The following ZNF451 variants were observed in gnomAD, a reference collection of about 807,000 sequenced individuals.
The protein encoded by ZNF451 is zinc finger protein 451, also known as E3 SUMO-protein ligase ZNF451.
In ZNF451, 80 loss-of-function variants were observed where a neutral mutation model predicts 107.1. That is an observed-to-expected ratio of 0.75 (90% CI 0.62 to 0.90). ZNF451 has a LOEUF of 0.90. ZNF451 is among the 40% of genes least tolerant of loss of function. The probability of loss-of-function intolerance (pLI) is 0.00; values close to 1 mark genes in which losing one functional copy is unlikely to be tolerated. For synonymous variants in ZNF451, 362 were observed against 406.5 expected (o/e 0.89, Z 1.32); for missense variants, 1,107 against 1,236.2 (o/e 0.90, Z 1.57).
intron 7 of ZNF451, among the ~76,000 whole-genome samples, chr6:57,137,692 G>A (rs1831502636): frequency 6.6e-6 from 1 of 152,130 alleles, no homozygotes; most frequent in Non-Finnish European, 1.5e-5. Context: ...GTCTGTTGAA[G>A]CTACCACTGG....
At chr6:57,132,964 T>C in intron 5 of ZNF451, 78 bp from the exon 6 acceptor site, 1 of 1,460,710 alleles carries the variant, frequency 6.8e-7, no homozygotes, top group African/African-American at 1.4e-5. Flanking sequence ...TTTCATTGTT[T>C]TGTCCTAATT....
intron 7 of ZNF451, among the ~76,000 whole-genome samples, chr6:57,136,084 C>T (rs1831411874): frequency 6.6e-6 from 1 of 152,120 alleles, no homozygotes; most frequent in African/African-American, 2.4e-5. Context: ...CATCTTGAAG[C>T]AGATTTTATT....
intron 14 of ZNF451, among the ~76,000 whole-genome samples, chr6:57,167,628 G>GC (rs1763955274): frequency 6.6e-6 from 1 of 152,158 alleles, no homozygotes; most frequent in Admixed American, 6.5e-5. Context: ...GATCACTGGT[G>GC]CCTGTAGCCA....
chr6:57,163,779 A>C (rs929452137), intron 14 of ZNF451, among the ~76,000 whole-genome samples: 3 of 152,042 alleles, frequency 2.0e-5, no homozygotes, highest in African/African-American at 7.2e-5. Context: ...CAAACTTAAA[A>C]CATGTTAGAG....
chr6:57,095,213 C>T (rs919890721), intron 2 of ZNF451, among the ~76,000 whole-genome samples: 3 of 151,942 alleles, frequency 2.0e-5, no homozygotes, highest in African/African-American at 4.8e-5. Flanking sequence ...TGATTTTCAA[C>T]ATGATTCCCC....
rs1453856641 is a variant in ZNF451, at chr6:57,124,717, T to C, written c.187-17T>C. The C allele has an allele frequency of 2.6e-6, 4 of 1,532,424 alleles. No individual in the cohort carries two copies. The African/African-American group carries it at 5.5e-5, about 21-fold the overall frequency. 94.9% of individuals were successfully genotyped at this position (1,532,424 alleles called of 1,614,324 possible). On this transcript the variant is annotated splice_polypyrimidine_tract_variant and intron_variant, in intron 3 of 14. Transcript: ENST00000370706. ...CTAATTTTGTTAAAAGGAATGAAAA[T>C]TTTTTTCATGTTATAGGAGAATATT...
intron 3 of ZNF451, chr6:57,106,206 T>C: frequency 1.0e-6 from 1 of 985,408 alleles, no homozygotes; most frequent in Non-Finnish European, 1.2e-6. Context: ...ATGACATTCA[T>C]TATTCTTGAA....
intron 4 of ZNF451, chr6:57,126,700 C>A (rs759445692): frequency 6.6e-6 from 1 of 152,106 alleles, no homozygotes; most frequent in Non-Finnish European, 1.5e-5. Context: ...GTGGACAGAT[C>A]ACCTGAGGTC....
intron 7 of ZNF451, among the ~76,000 whole-genome samples, chr6:57,138,739 A>ATGTGTG (rs1243721592): frequency 9.6e-5 from 7 of 73,246 alleles, no homozygotes; most frequent in East Asian, 8.9e-4. Flanking sequence ...ATATATATAT[A>ATGTGTG]TATGTGTGTG....
chr6:57,112,006 C>T (rs1343841001), intron 3 of ZNF451, among the ~76,000 whole-genome samples: 1 of 152,122 alleles, frequency 6.6e-6, no homozygotes, highest in African/African-American at 2.4e-5. Context: ...TTTCCTTGTT[C>T]TAAAGCTTTG....
intron 14 of ZNF451, among the ~76,000 whole-genome samples, chr6:57,164,390 T>C (rs1763808968): frequency 2.0e-5 from 3 of 152,204 alleles, no homozygotes; most frequent in African/African-American, 7.2e-5. Flanking sequence ...TGGTTGCTGC[T>C]AATGTTACTG....
At chr6:57,124,201 T>C (rs1830793631) in intron 3 of ZNF451, among the ~76,000 whole-genome samples, 1 of 152,186 alleles carries the variant, frequency 6.6e-6, no homozygotes, top group South Asian at 2.1e-4. Context: ...AGAGTTTTTA[T>C]CATGAGTGGG....
At chr6:57,093,322 G>T (rs1030158353) in intron 2 of ZNF451, among the ~76,000 whole-genome samples, 2 of 152,132 alleles carry the variant, frequency 1.3e-5, no homozygotes, top group African/African-American at 2.4e-5. Flanking sequence ...AGTGAAATCA[G>T]GATATAATTT....
chr6:57,142,915 C>A (rs1831843098), intron 9 of ZNF451, among the ~76,000 whole-genome samples: 1 of 152,046 alleles, frequency 6.6e-6, no homozygotes, highest in African/African-American at 2.4e-5. Context: ...TTATTATGTG[C>A]ATTTTCTTGA....
intron 13 of ZNF451, among the ~76,000 whole-genome samples, chr6:57,160,284 T>TCTCCCCTCCC (rs549434606): frequency 6.6e-6 from 1 of 151,900 alleles, no homozygotes; most frequent in South Asian, 2.1e-4. Context: ...TCTTTTGTTT[T>TCTCCCCTCCC]CTCCCCTCCC....
At chr6:57,101,819 A>T (rs1202229230) in intron 3 of ZNF451, 1 of 1,550,584 alleles carries the variant, frequency 6.4e-7, no homozygotes. Flanking sequence ...TCTCTCACTA[A>T]GAAAACCCAG....
intron 2 of ZNF451, among the ~76,000 whole-genome samples, chr6:57,096,188 T>G (rs1196828976): frequency 9.6e-5 from 13 of 136,092 alleles, no homozygotes; most frequent in Admixed American, 2.2e-4. Context: ...TTTTTTTTTT[T>G]TTTTTTTTTT....
chr6:57,123,683 A>AT (rs1233748522), intron 3 of ZNF451, among the ~76,000 whole-genome samples: 4 of 152,082 alleles, frequency 2.6e-5, no homozygotes, highest in African/African-American at 4.8e-5. Context: ...AAAAAAAAAA[A>AT]GTTTTATGTG....
chr6:57,111,632 C>T (rs1036645199), intron 3 of ZNF451, among the ~76,000 whole-genome samples: 1 of 151,854 alleles, frequency 6.6e-6, no homozygotes, highest in South Asian at 2.1e-4. Context: ...CCACCTGCCT[C>T]GGCCTCCCAA....
Sources: allele counts gnomAD v4.1 joint callset (sites outside exome capture counted in the v4.1 genomes callset), GRCh38; gene constraint gnomAD v4.1.1; transcripts MANE v1.5; gene names NCBI Gene and HGNC (gene_info 2026-07-23, HGNC 2026-07-21).